BTBD9: variants seen among roughly 807,000 people sequenced by gnomAD.
BTBD9 encodes the protein BTB/POZ domain-containing protein 9.
In BTBD9, 49 loss-of-function variants were observed where a neutral mutation model predicts 64.3. The observed-to-expected ratio is 0.76, with a 90% CI of 0.61 to 0.97. The LOEUF (loss-of-function observed/expected upper bound fraction) is 0.97. BTBD9 is among the 50% of genes least tolerant of loss of function. The probability of loss-of-function intolerance (pLI) is 0.00; values close to 1 mark genes in which losing one functional copy is unlikely to be tolerated. For synonymous variants in BTBD9, 260 were observed against 274.7 expected, an observed-to-expected ratio of 0.95 and a Z score of 0.53; for missense variants, 598 against 762.1, an observed-to-expected ratio of 0.78 and a Z score of 2.53.
intron 6 of BTBD9, among the ~76,000 whole-genome samples, chr6:38,570,734 TGC>T (rs1404787941): frequency 3.3e-5 from 5 of 152,294 alleles, no homozygotes; most frequent in Admixed American, 1.3e-4. Flanking sequence ...TCCTATGCCT[TGC>T]AGATGACAAC....
At chr6:38,293,624 A>C (rs1311097469) in intron 7 of BTBD9, among the ~76,000 whole-genome samples, 1 of 152,162 alleles carries the variant, frequency 6.6e-6, no homozygotes, top group African/African-American at 2.4e-5. Context: ...CATGCAGAAA[A>C]CTGAAACTGA....
chr6:38,228,859 C>A (rs1031143007), intron 9 of BTBD9, among the ~76,000 whole-genome samples: 1 of 150,698 alleles, frequency 6.6e-6, no homozygotes, highest in Non-Finnish European at 1.5e-5. Context: ...AGCGGCAGAG[C>A]GAGGCTCCGT....
chr6:38,506,009 C>T (rs986423771), intron 6 of BTBD9, among the ~76,000 whole-genome samples: 1 of 140,948 alleles, frequency 7.1e-6, no homozygotes, highest in African/African-American at 2.6e-5. Flanking sequence ...TGCATTTCCA[C>T]ACAGCTCCAA....
In BTBD9 at chr6:38,389,273, G is replaced by A. The variant is rs76905953; in HGVS notation, c.1155-44180C>T. 1.0e-3 allele frequency among the ~76,000 whole-genome samples: 155 copies of A among 152,210 alleles called. 4 individuals carry two copies. The East Asian group carries it at 0.017, about 16-fold the overall frequency. ...GCACCTTTGTCTGTCAGAGAAATAT[G>A]CTCAGATGTGTTCTGTTTCATGGCT... On this transcript the variant is annotated intron_variant, in intron 6 of 10. Transcript: ENST00000481247.
At chr6:38,203,075 C>T (rs971871168) in intron 9 of BTBD9, among the ~76,000 whole-genome samples, 3 of 152,030 alleles carry the variant, frequency 2.0e-5, no homozygotes, top group Non-Finnish European at 4.4e-5. Context: ...TGAAAAAATG[C>T]TCAACATCAC....
intron 6 of BTBD9, among the ~76,000 whole-genome samples, chr6:38,489,703 T>C (rs6905299): frequency 1 from 152,257 of 152,324 alleles, 76,095 homozygotes; most frequent in Non-Finnish European, 1. Flanking sequence ...TTGATAAGCA[T>C]GAAATGGTTT....
chr6:38,254,882 T>C (rs1021264218), intron 9 of BTBD9, among the ~76,000 whole-genome samples: 9 of 152,192 alleles, frequency 5.9e-5, no homozygotes, highest in Non-Finnish European at 1.3e-4. Context: ...CGCAGAGTTA[T>C]CCGATGACCC....
At chr6:38,424,737 G>A (rs1445903631) in intron 6 of BTBD9, among the ~76,000 whole-genome samples, 8 of 151,692 alleles carry the variant, frequency 5.3e-5, no homozygotes, top group Non-Finnish European at 7.4e-5. Flanking sequence ...GACTGGTCTC[G>A]AACTCCTGAC....
intron 7 of BTBD9, among the ~76,000 whole-genome samples, chr6:38,335,604 T>C (rs1763861845): frequency 6.6e-6 from 1 of 151,880 alleles, no homozygotes; most frequent in Non-Finnish European, 1.5e-5. Flanking sequence ...CTTGCTCTGT[T>C]GCCAAGGCTG....
chr6:38,596,100 G>A (rs1043191256), intron 2 of BTBD9: 2 of 969,882 alleles, frequency 2.1e-6, no homozygotes, highest in Admixed American at 6.2e-5. Flanking sequence ...CAGCACTTAG[G>A]CCTCTTCTGA....
intron 7 of BTBD9, among the ~76,000 whole-genome samples, chr6:38,335,341 C>T (rs937222045): frequency 1.3e-5 from 2 of 151,672 alleles, no homozygotes; most frequent in East Asian, 3.9e-4. Context: ...CAACCTCCGC[C>T]TCCTGGGTTC....
In BTBD9 at chr6:38,192,575, C is replaced by A; in HGVS notation, c.1585G>T (p.Glu529Ter). 2 of 1,613,824 alleles carry A rather than the reference C, an allele frequency of 1.2e-6. No homozygotes were observed. The highest frequency in any genetic ancestry group is 8.5e-7 in the Non-Finnish European group (1 of 1,179,898). The change falls in exon 10 of 11, where the codon GAA becomes TAA. Residue 529 changes from glutamate to a stop codon, truncating the protein, a stop_gained. Coordinates refer to ENST00000481247, the MANE Select transcript of BTBD9 (RefSeq NM_001099272.2). LOFTEE classifies it high-confidence loss of function. ...SCKSWQSVTF[E>*]RQPASFIRIV... Reference sequence around the variant, plus strand: ...CGGATGAAGGAGGCAGGCTGCCTTTCAAAAGTTACTGACTGCCAGGACCTG... The same window carrying A: ...CGGATGAAGGAGGCAGGCTGCCTTTAAAAAGTTACTGACTGCCAGGACCTG...
intron 6 of BTBD9, among the ~76,000 whole-genome samples, chr6:38,421,059 T>G (rs1767881420): frequency 6.6e-6 from 1 of 152,118 alleles, no homozygotes; most frequent in Non-Finnish European, 1.5e-5. Flanking sequence ...GGGTATTTAA[T>G]AATAAAAATG....
chr6:38,311,252 C>G lies in BTBD9; in HGVS notation c.1265-22791G>C, dbSNP rs200237691. ...TCCCCACTTGCCCCCTACCCACCCA[C>G]TGCCTTTCACAGTCTCTGGTAAGAA... On this transcript the variant is annotated intron_variant, in intron 7 of 10. Transcript: ENST00000481247. Among the ~76,000 whole-genome samples, 16 of 151,756 alleles carry G rather than the reference C, an allele frequency of 1.1e-4. No homozygotes were observed. In the East Asian group the frequency reaches 1.6e-3, roughly 15 times the overall value.
intron 6 of BTBD9, among the ~76,000 whole-genome samples, chr6:38,403,842 T>G (rs1279749886): frequency 6.6e-6 from 1 of 151,848 alleles, no homozygotes; most frequent in Non-Finnish European, 1.5e-5. Context: ...ATCCATCAAC[T>G]GATGAATGGA....
chr6:38,506,896 A>T (rs1772550128), intron 6 of BTBD9, among the ~76,000 whole-genome samples: 2 of 152,256 alleles, frequency 1.3e-5, no homozygotes, highest in South Asian at 4.1e-4. Flanking sequence ...CAAGTTTCCT[A>T]TCTCTTCAGC....
At chr6:38,598,576 C>G (rs919311937) in intron 1 of BTBD9, among the ~76,000 whole-genome samples, 6 of 152,182 alleles carry the variant, frequency 3.9e-5, no homozygotes, top group African/African-American at 1.4e-4. Context: ...AATCAGATTT[C>G]AAATAAGAAG....
At chr6:38,440,766 G>A (rs979366332) in intron 6 of BTBD9, among the ~76,000 whole-genome samples, 4 of 152,126 alleles carry the variant, frequency 2.6e-5, no homozygotes, top group African/African-American at 9.7e-5. Context: ...AGGGCCTTCT[G>A]TACCACATAT....
intron 9 of BTBD9, among the ~76,000 whole-genome samples, chr6:38,196,567 G>C (rs1458225428): frequency 6.6e-6 from 1 of 152,154 alleles, no homozygotes; most frequent in Non-Finnish European, 1.5e-5. Context: ...AAGCAGCTGG[G>C]CTTTGGAAGA....
Sources: gnomAD v4.1 joint callset for allele counts (sites outside exome capture counted in the v4.1 genomes callset) on GRCh38, gnomAD v4.1.1 for gene constraint, MANE v1.5 for transcripts, NCBI Gene and HGNC (gene_info 2026-07-23, HGNC 2026-07-21) for gene names.